Variants in FAM168A observed in about 807,000 individuals in gnomAD.
FAM168A encodes family with sequence similarity 168 member A.
FAM168A carries 3 observed loss-of-function variants against 28.5 expected under a neutral mutation model. The observed-to-expected ratio is 0.11, with a 90% CI of 0.05 to 0.27. The LOEUF (loss-of-function observed/expected upper bound fraction) is 0.27, where lower values mean the gene tolerates loss of function less well. FAM168A is among the 10% of genes least tolerant of loss of function. The pLI, the probability that FAM168A is intolerant of heterozygous loss-of-function variation, is 1.00. For missense variants in FAM168A, 222 were observed against 311.5 expected (o/e 0.71, Z 2.16); for synonymous variants, 122 against 124.2 (o/e 0.98, Z 0.12).
At chr11:73,533,665 G>A (rs1176223716) in intron 1 of FAM168A, among the ~76,000 whole-genome samples, 2 of 152,056 alleles carry the variant, frequency 1.3e-5, no homozygotes, top group African/African-American at 4.8e-5. Context: ...CAGTATTAGG[G>A]TATTTAGTAT....
At chr11:73,430,384 AT>A (rs1187994265) in intron 3 of FAM168A, 15 of 329,712 alleles carry the variant, frequency 4.5e-5, no homozygotes, top group Non-Finnish European at 7.1e-5. Flanking sequence ...TGAGCAAAGA[AT>A]GAATTTGGAC....
At chr11:73,567,874 G>T (rs965124935) in intron 1 of FAM168A, among the ~76,000 whole-genome samples, 2 of 152,170 alleles carry the variant, frequency 1.3e-5, no homozygotes, top group African/African-American at 4.8e-5. Context: ...ATCTCTAGAT[G>T]ATTTCATGGA....
At chr11:73,515,283 G>C (rs1943286898) in intron 1 of FAM168A, among the ~76,000 whole-genome samples, 2 of 152,152 alleles carry the variant, frequency 1.3e-5, no homozygotes, top group Admixed American at 1.3e-4. Flanking sequence ...GCCAAGGCAG[G>C]CAGATCACCT....
At chr11:73,422,719 CATT>C (rs1431668912) in intron 3 of FAM168A, among the ~76,000 whole-genome samples, 4 of 152,176 alleles carry the variant, frequency 2.6e-5, no homozygotes, top group Non-Finnish European at 4.4e-5. Context: ...TATGTAAAGA[CATT>C]ATTAAGCTGT....
At chr11:73,472,121 C>T (rs1211484432) in intron 1 of FAM168A, among the ~76,000 whole-genome samples, 2 of 152,158 alleles carry the variant, frequency 1.3e-5, no homozygotes, top group Non-Finnish European at 2.9e-5. Context: ...CATCTCCACA[C>T]ATACCCCTGG....
chr11:73,475,185 C>T (rs538223400), intron 1 of FAM168A, among the ~76,000 whole-genome samples: 1 of 152,084 alleles, frequency 6.6e-6, no homozygotes, highest in African/African-American at 2.4e-5. Flanking sequence ...ATTTACACAA[C>T]AGGTTGCAGT....
intron 1 of FAM168A, among the ~76,000 whole-genome samples, chr11:73,592,588 T>A (rs377241915): frequency 1.1e-4 from 16 of 146,530 alleles, no homozygotes; most frequent in African/African-American, 3.1e-4. Flanking sequence ...TAAAACCACA[T>A]AAAAGGAGGA....
intron 2 of FAM168A, among the ~76,000 whole-genome samples, chr11:73,444,522 T>C (rs762545274): frequency 6.6e-6 from 1 of 152,262 alleles, no homozygotes; most frequent in Non-Finnish European, 1.5e-5. Flanking sequence ...TTTTGTATAC[T>C]GTTGTGAGTA....
intron 1 of FAM168A, among the ~76,000 whole-genome samples, chr11:73,471,331 T>C (rs1867810744): frequency 6.6e-6 from 1 of 151,718 alleles, no homozygotes; most frequent in Admixed American, 6.6e-5. Context: ...AACCTCAAAA[T>C]GGGAAAAAAA....
chr11:73,403,489 T>G lies in FAM168A; in HGVS notation c.*3274A>C, dbSNP rs1866449973. The stretch of plus-strand genomic sequence containing the variant: ...GGGGTTTGCATCCTGGGGCCAGTGC[T>G]GTAGCTCACTGTCAGGCGGCTACAT... On this transcript the variant is annotated 3_prime_UTR_variant, in exon 8 of 8. Coordinates refer to ENST00000356467, the MANE Select transcript of FAM168A (RefSeq NM_015159.3). 6.6e-6 allele frequency: 1 copy of G among 152,292 alleles called. No individual in the cohort carries two copies. The highest frequency in any genetic ancestry group is 1.5e-5 in the Non-Finnish European group (1 of 68,076). The allele number at this position is 152,292 out of a possible 1,614,324, so 9.4% of individuals were successfully genotyped here. A position where few individuals can be genotyped will look rare whatever the true frequency, so the allele number is the denominator to read the frequency against.
intron 2 of FAM168A, among the ~76,000 whole-genome samples, chr11:73,438,866 C>T (rs1867141304): frequency 6.6e-6 from 1 of 152,070 alleles, no homozygotes; most frequent in African/African-American, 2.4e-5. Context: ...AGCACAAAAC[C>T]CCATTTTAGT....
At chr11:73,587,483 C>T (rs2134743260) in intron 1 of FAM168A, among the ~76,000 whole-genome samples, 2 of 149,966 alleles carry the variant, frequency 1.3e-5, no homozygotes, top group Middle Eastern at 6.8e-3. Context: ...CAAAGCGAGA[C>T]TCCGTCTCAA....
At chr11:73,488,607 C>T (rs1014465135) in intron 1 of FAM168A, among the ~76,000 whole-genome samples, 3 of 152,158 alleles carry the variant, frequency 2.0e-5, no homozygotes, top group African/African-American at 7.2e-5. Flanking sequence ...CATTTACCTA[C>T]CAAACTGCAC....
At chr11:73,503,074 C>T (rs1855041596) in intron 1 of FAM168A, among the ~76,000 whole-genome samples, 1 of 152,090 alleles carries the variant, frequency 6.6e-6, no homozygotes, top group Non-Finnish European at 1.5e-5. Flanking sequence ...GGAAGCATTC[C>T]CTTTAAAAAC....
intron 1 of FAM168A, among the ~76,000 whole-genome samples, chr11:73,534,478 C>T (rs534520743): frequency 6.6e-6 from 1 of 151,764 alleles, no homozygotes; most frequent in African/African-American, 2.4e-5. Context: ...TCGCAGTTCA[C>T]TGCAACCTCC....
At chr11:73,433,019 C>T (rs113723304) in intron 2 of FAM168A, among the ~76,000 whole-genome samples, 40 of 151,732 alleles carry the variant, frequency 2.6e-4, no homozygotes, top group African/African-American at 9.5e-4. Context: ...TCAAGCAATC[C>T]TCCTGCTTCA....
intron 1 of FAM168A, among the ~76,000 whole-genome samples, chr11:73,483,176 C>G (rs1867990848): frequency 1.3e-5 from 2 of 152,128 alleles, no homozygotes; most frequent in African/African-American, 2.4e-5. Context: ...TATGTTCTGC[C>G]TGAGCACATG....
chr11:73,533,191 C>T (rs1260986676), intron 1 of FAM168A, among the ~76,000 whole-genome samples: 1 of 152,046 alleles, frequency 6.6e-6, no homozygotes, highest in African/African-American at 2.4e-5. Context: ...ATCCCACCTG[C>T]CCTACTTACC....
At chr11:73,417,708 C>T (rs1439270668) in intron 4 of FAM168A, among the ~76,000 whole-genome samples, 2 of 152,038 alleles carry the variant, frequency 1.3e-5, no homozygotes, top group African/African-American at 2.4e-5. Context: ...TACAGGCACC[C>T]GCCACCATGC....
Sources: allele counts gnomAD v4.1 joint callset (sites outside exome capture counted in the v4.1 genomes callset), GRCh38; gene constraint gnomAD v4.1.1; transcripts MANE v1.5; gene names NCBI Gene and HGNC (gene_info 2026-07-23, HGNC 2026-07-21).